Variants in TBC1D14 observed in about 807,000 individuals in gnomAD.
TBC1D14 encodes the protein TBC1 domain family, member 14.
In TBC1D14, 26 loss-of-function variants were observed where a neutral mutation model predicts 79.0. The ratio of observed to expected loss-of-function variants is 0.33; its 90% CI spans 0.24 to 0.46. The LOEUF (loss-of-function observed/expected upper bound fraction) is 0.46, where lower values mean the gene tolerates loss of function less well. Ranked by LOEUF, TBC1D14 falls within the 20% of genes least tolerant of loss-of-function variation. TBC1D14 has a pLI of 1.00. For synonymous variants in TBC1D14, 394 were observed against 349.9 expected (o/e 1.13, Z -1.40); for missense variants, 769 against 887.6 (o/e 0.87, Z 1.70).
At chr4:6,982,619 G>A (rs1717481081) in intron 3 of TBC1D14, among the ~76,000 whole-genome samples, 2 of 152,174 alleles carry the variant, frequency 1.3e-5, no homozygotes, top group South Asian at 4.1e-4. Context: ...GGATCATTTA[G>A]GGTTCTTTTG....
chr4:6,977,995 C>T (rs1266527648), intron 3 of TBC1D14, among the ~76,000 whole-genome samples: 2 of 151,112 alleles, frequency 1.3e-5, no homozygotes, highest in South Asian at 2.1e-4. Flanking sequence ...TGAGGAGCCC[C>T]TCCGCCCGGC....
At chr4:6,911,161 C>T (rs1722954661) in intron 1 of TBC1D14, among the ~76,000 whole-genome samples, 1 of 152,150 alleles carries the variant, frequency 6.6e-6, no homozygotes, top group South Asian at 2.1e-4. Flanking sequence ...ATGGCTTCCC[C>T]CCTCCGACCA....
chr4:6,970,965 T>C lies in TBC1D14; in HGVS notation c.843+3541T>C, dbSNP rs1431818100. On this transcript the variant is annotated intron_variant, in intron 3 of 13. Coordinates refer to ENST00000409757, the MANE Select transcript of TBC1D14 (RefSeq NM_020773.3). ...AGCTTTGGACCTGCCTCAAGGAGCC[T>C]GTGGTTGAACTGGGGTCAGGTGTTC... Among the ~76,000 whole-genome samples, 16 of 135,538 alleles carry C rather than the reference T, an allele frequency of 1.2e-4. No individual in the cohort carries two copies. In the South Asian group the frequency reaches 2.0e-3, roughly 17 times the overall value. The allele number at this position is 135,538 out of a possible 152,430, so 88.9% of individuals were successfully genotyped here. A position where few individuals can be genotyped will look rare whatever the true frequency, so the allele number is the denominator to read the frequency against.
chr4:6,926,132 C>T (rs758683492), intron 2 of TBC1D14, among the ~76,000 whole-genome samples: 2 of 152,214 alleles, frequency 1.3e-5, no homozygotes, highest in Admixed American at 6.5e-5. Flanking sequence ...ATGCTGTTGA[C>T]GAACGCCACA....
chr4:6,931,310 T>G (rs1184752921), intron 2 of TBC1D14, among the ~76,000 whole-genome samples: 1 of 152,240 alleles, frequency 6.6e-6, no homozygotes, highest in Non-Finnish European at 1.5e-5. Context: ...ACCTCTCGAT[T>G]GCAGAATGTC....
chr4:6,918,496 C>T (rs1417881736), intron 1 of TBC1D14, among the ~76,000 whole-genome samples: 2 of 152,208 alleles, frequency 1.3e-5, no homozygotes, highest in Non-Finnish European at 2.9e-5. Context: ...TTTGCCAATG[C>T]CTTCAGCAGA....
At chr4:6,972,591 C>T (rs1181782900) in intron 3 of TBC1D14, among the ~76,000 whole-genome samples, 2 of 152,190 alleles carry the variant, frequency 1.3e-5, no homozygotes, top group Non-Finnish European at 2.9e-5. Context: ...TTGTCCAACC[C>T]GCCTTAGTTT....
intron 2 of TBC1D14, among the ~76,000 whole-genome samples, chr4:6,963,596 G>A (rs933073424): frequency 2.6e-5 from 4 of 152,152 alleles, no homozygotes; most frequent in African/African-American, 4.8e-5. Context: ...CAGGACTCCC[G>A]ATGGCTTGCC....
intron 2 of TBC1D14, among the ~76,000 whole-genome samples, chr4:6,943,065 G>A (rs11728984): frequency 0.29 from 44,413 of 152,002 alleles, 6,586 homozygotes; most frequent in Admixed American, 0.33. Context: ...GGTTCCTTCC[G>A]TCCTGTGGCC....
At chr4:7,014,237 A>G (rs1401752033) in intron 11 of TBC1D14, among the ~76,000 whole-genome samples, 2 of 152,220 alleles carry the variant, frequency 1.3e-5, no homozygotes, top group African/African-American at 2.4e-5. Flanking sequence ...ATTGAAGAAG[A>G]TGAGGTGTAG....
rs777994877 is a variant in TBC1D14, at chr4:7,025,085, G to A, written c.1839G>A (p.Glu613=). Residue 613 remains glutamate, a synonymous_variant, in exon 13 of 14, where the codon GAG becomes GAA. Transcript: ENST00000409757. ...IWDVFCRDGE[E]FLFRTALGIL... is the part of the protein sequence containing the mutation. ...ACGTGTTCTGTCGCGATGGGGAAGA[G>A]TTCCTGTTCCGCACGGCCCTGGGCA... The A allele has an allele frequency of 1.2e-6, 2 of 1,614,198 alleles. No homozygotes were observed. The highest frequency in any genetic ancestry group is 2.2e-5 in the South Asian group (2 of 91,086).
intron 2 of TBC1D14, among the ~76,000 whole-genome samples, chr4:6,959,946 C>T (rs6848114): frequency 0.3 from 45,996 of 152,012 alleles, 7,059 homozygotes; most frequent in Admixed American, 0.33. Flanking sequence ...TTTCTAATGG[C>T]AGAAATGCCT....
chr4:6,909,744 TGGGGGCGTGCCCA>T (rs1192360361), upstream of TBC1D14: 9 of 101,772 alleles, frequency 8.8e-5, no homozygotes, highest in African/African-American at 2.2e-4. Context: ...CGCAAGTGCG[TGGGGGCGTGCCCA>T]GGGGGCGGGC....
Position 6,968,479 on chromosome 4 carries a change from G to C in TBC1D14, c.843+1055G>C, listed in dbSNP as rs899450701. ...GAAGAAGATAGTATTATTAAACTCA[G>C]TTTACCAAAGAAGCACTGAGACACA... On this transcript the variant is annotated intron_variant, in intron 3 of 13. Transcript: ENST00000409757. Among the ~76,000 whole-genome samples the C allele has an allele frequency of 2.5e-4, 38 of 152,344 alleles. 1 individual carries two copies. Among genetic ancestry groups the C allele is most frequent in the Middle Eastern group, 3.4e-3 (1 of 294 alleles).
At chr4:6,935,122 A>C (rs1712182212) in intron 2 of TBC1D14, among the ~76,000 whole-genome samples, 3 of 152,110 alleles carry the variant, frequency 2.0e-5, no homozygotes, top group Admixed American at 6.5e-5. Context: ...TCCCAAAGAG[A>C]CTGGGAGAAG....
intron 12 of TBC1D14, among the ~76,000 whole-genome samples, chr4:7,021,216 C>G (rs959956239): frequency 5.3e-5 from 8 of 152,226 alleles, no homozygotes; most frequent in African/African-American, 1.9e-4. Context: ...TTTCCTCCCT[C>G]ACGTATCACG....
At chr4:7,021,523 G>A (rs939722112) in intron 12 of TBC1D14, among the ~76,000 whole-genome samples, 3 of 152,206 alleles carry the variant, frequency 2.0e-5, no homozygotes, top group Non-Finnish European at 2.9e-5. Context: ...CCTGAGCCCA[G>A]GAGGTCTAGG....
chr4:6,976,863 G>A (rs909096152), intron 3 of TBC1D14, among the ~76,000 whole-genome samples: 4 of 152,092 alleles, frequency 2.6e-5, no homozygotes, highest in South Asian at 4.2e-4. Context: ...ACAATTTGCC[G>A]TATAATTATA....
chr4:6,943,230 C>G (rs1308113072), intron 2 of TBC1D14, among the ~76,000 whole-genome samples: 1 of 152,198 alleles, frequency 6.6e-6, no homozygotes, highest in East Asian at 1.9e-4. Flanking sequence ...AATGCTGCCC[C>G]TACCTGTGAG....
Sources: gnomAD v4.1 joint callset for allele counts (sites outside exome capture counted in the v4.1 genomes callset) on GRCh38, gnomAD v4.1.1 for gene constraint, MANE v1.5 for transcripts, NCBI Gene and HGNC (gene_info 2026-07-23, HGNC 2026-07-21) for gene names.